Variants in GPI observed in about 807,000 individuals in gnomAD.
The protein encoded by GPI is glucose-6-phosphate isomerase.
Under a neutral mutation model 75.8 loss-of-function variants are expected in GPI, and 56 were observed. The observed-to-expected ratio is 0.74, with a 90% CI of 0.60 to 0.92. The LOEUF is 0.92. Among genes scored for constraint, GPI ranks in the 40% least tolerant of loss-of-function variants. The pLI is 0.00. For synonymous variants in GPI, 288 were observed against 285.4 expected (o/e 1.01, Z -0.09); for missense variants, 638 against 741.0 (o/e 0.86, Z 1.61).
intron 6 of GPI, 36 bp downstream of exon 6, chr19:34,377,917 G>A: frequency 6.2e-7 from 1 of 1,611,658 alleles, no homozygotes; most frequent in Non-Finnish European, 8.5e-7. Context: ...CCCTGGCCCT[G>A]TGTGTGTTGG....
chr19:34,360,455 C>T (rs1261872389), upstream of GPI, among the ~76,000 whole-genome samples: 1 of 152,152 alleles, frequency 6.6e-6, no homozygotes, highest in Middle Eastern at 3.4e-3. Flanking sequence ...GAAAATTAGC[C>T]GGGACGGGGT....
chr19:34,391,634 T>A (rs796990220), intron 9 of GPI, among the ~76,000 whole-genome samples: 3 of 448 alleles, frequency 6.7e-3, no homozygotes, highest in African/African-American at 0.018. Context: ...GTCTGTCAAT[T>A]TCTGAAGAGG....
Position 34,400,307 on chromosome 19 carries a change from A to G in GPI, c.*271A>G, listed in dbSNP as rs901531674. The G allele has an allele frequency of 6.7e-6, 4 of 597,196 alleles. No homozygotes were observed. The highest frequency in any genetic ancestry group is 1.2e-5 in the Non-Finnish European group (4 of 335,700). The allele number at this position is 597,196 out of a possible 1,614,324, so 37.0% of individuals were successfully genotyped here. On this transcript the variant is annotated 3_prime_UTR_variant, in exon 18 of 18. Transcript: ENST00000356487. ...TCACGTTGTTCACATCCCATGTAGA[A>G]AAATAAAGATGCCACGGAGGAGGTT...
At chr19:34,364,384 CTTT>C (rs555720207), upstream of GPI, among the ~76,000 whole-genome samples, 4 of 139,380 alleles carry the variant, frequency 2.9e-5, no homozygotes, top group African/African-American at 2.6e-5. Context: ...CTGACCTCAT[CTTT>C]TTTTTTTTTT....
In GPI at chr19:34,400,349, AT is replaced by A. The variant is rs1006348170; in HGVS notation, c.*323del. The A allele has an allele frequency of 1.1e-3, 593 of 534,802 alleles. No individual in the cohort carries two copies. The highest frequency in any genetic ancestry group is 2.7e-3 in the South Asian group (116 of 43,092). The allele number at this position is 534,802 out of a possible 1,614,324, so 33.1% of individuals were successfully genotyped here. A position where few individuals can be genotyped will look rare whatever the true frequency, so the allele number is the denominator to read the frequency against. On this transcript the variant is annotated 3_prime_UTR_variant, in exon 18 of 18. Coordinates refer to ENST00000356487, the MANE Select transcript of GPI (RefSeq NM_000175.5). ...GAGGAGGTTGTAGGCTCAGCCTCTGATTTTTTTTTTCCTGTGATGGTGCTTT... is the reference window on the plus strand; with the variant it reads ...GAGGAGGTTGTAGGCTCAGCCTCTGATTTTTTTTTCCTGTGATGGTGCTTT...
In GPI at chr19:34,393,335, C is replaced by T; in HGVS notation, c.865+27C>T. On this transcript the variant is annotated intron_variant, in intron 10 of 17. Transcript: ENST00000356487. The surrounding 1 kb of genome is among the most constrained non-coding windows in gnomAD (Gnocchi z 4.4). ...TGAGTGTGTTTCTGTGTCTTGCAGC[C>T]CCTGTGGGAGACAGTGTTGCAGTCT... is the stretch of plus-strand genomic sequence containing the variant. The T allele has an allele frequency of 6.3e-7, 1 of 1,578,804 alleles. No individual in the cohort carries two copies. Among genetic ancestry groups the T allele is most frequent in the South Asian group, 1.1e-5 (1 of 90,340 alleles).
At chr19:34,367,491 G>A (rs1370471702) in intron 3 of GPI, among the ~76,000 whole-genome samples, 13 of 152,228 alleles carry the variant, frequency 8.5e-5, no homozygotes, top group Admixed American at 7.9e-4. Context: ...AATCAAGGAA[G>A]GCTTTCTGGA....
At position 34,373,557 on chromosome 19, in the gene GPI, CAAAA is replaced by C. The variant is rs538891535; in HGVS notation, c.403-3930_403-3927del. Among the ~76,000 whole-genome samples, 292 of 63,208 alleles carry C rather than the reference CAAAA, an allele frequency of 4.6e-3. 2 individuals are homozygous for C. The highest frequency in any genetic ancestry group is 0.017 in the African/African-American group (283 of 16,304). 41.5% of individuals were successfully genotyped at this position (63,208 alleles called of 152,430 possible). The stretch of plus-strand genomic sequence containing the variant: ...GGGTGACAGAGCAAGATTCCATCTC[CAAAA>C]AAAAAAAAAAAAAAATTAAAAGAAA... On this transcript the variant is annotated intron_variant, in intron 4 of 17. Transcript: ENST00000356487.
At chr19:34,387,762 G>A (rs1160640584) in intron 9 of GPI, among the ~76,000 whole-genome samples, 1 of 152,204 alleles carries the variant, frequency 6.6e-6, no homozygotes, top group African/African-American at 2.4e-5. Context: ...TATAAACATG[G>A]TCTCAGGTGG....
intron 9 of GPI, among the ~76,000 whole-genome samples, chr19:34,391,939 G>GA (rs1299169302): frequency 0.018 from 9 of 502 alleles, no homozygotes; most frequent in Non-Finnish European, 0.025. Flanking sequence ...TGTCATGTCT[G>GA]GAGGTAAGAT....
Position 34,377,828 on chromosome 19 carries a change from A to G in GPI, c.580A>G (p.Lys194Glu). The G allele has an allele frequency of 6.2e-7, 1 of 1,614,140 alleles. No individual in the cohort carries two copies. Among genetic ancestry groups the G allele is most frequent in the Non-Finnish European group, 8.5e-7 (1 of 1,180,016 alleles). Residue 194 changes from lysine (K) to glutamate (E), a missense_variant, in exon 6 of 18, where the codon AAA becomes GAA. Lys to Glu is a moderately conservative substitution (Grantham distance 56). Transcript: ENST00000356487. The part of the protein sequence containing the change: ...VSNIDGTHIA[K>E]TLAQLNPESS... ...CAACATTGATGGAACTCACATTGCC[A>G]AAACCCTGGCCCAGCTGAACCCCGA...
intron 3 of GPI, among the ~76,000 whole-genome samples, chr19:34,367,340 G>A (rs2074382832): frequency 6.6e-6 from 1 of 152,154 alleles, no homozygotes; most frequent in African/African-American, 2.4e-5. Flanking sequence ...TCCTCATGAT[G>A]TCATTATCCT....
chr19:34,369,678 G>T (rs1349010423), intron 4 of GPI, among the ~76,000 whole-genome samples: 1 of 150,334 alleles, frequency 6.7e-6, no homozygotes, highest in East Asian at 2.0e-4. Flanking sequence ...CTGCACTCCA[G>T]CCTGGGCGAC....
intron 9 of GPI, 24 bp downstream of exon 9, chr19:34,381,543 G>T: frequency 6.5e-7 from 1 of 1,546,914 alleles, no homozygotes; most frequent in South Asian, 1.1e-5. Flanking sequence ...CTTCTGCACT[G>T]GGTGAATTAA....
At chr19:34,389,893 G>A (rs908171693) in intron 9 of GPI, among the ~76,000 whole-genome samples, 1 of 152,184 alleles carries the variant, frequency 6.6e-6, no homozygotes, top group Non-Finnish European at 1.5e-5. Flanking sequence ...TAGAAATGTG[G>A]GAGGTGCTCC....
In GPI at chr19:34,393,519, C is replaced by T. The variant is rs1599852879; in HGVS notation, c.866-209C>T. ...CCCCCGTCTTTGCCCCTCACAACTGCAGTCCTGTTTCTCTCCTATCCTAGG... is the reference window on the plus strand; with the variant it reads ...CCCCCGTCTTTGCCCCTCACAACTGTAGTCCTGTTTCTCTCCTATCCTAGG... On this transcript the variant is annotated intron_variant, in intron 10 of 17. Coordinates refer to ENST00000356487, the MANE Select transcript of GPI (RefSeq NM_000175.5). This position sits in a 1 kb window ranked among gnomAD's most constrained non-coding sequence, Gnocchi z 4.4. 58 of 706,088 alleles carry T rather than the reference C, an allele frequency of 8.2e-5. 1 individual carries two copies. In the South Asian group the frequency reaches 8.8e-4, roughly 11 times the overall value. The allele number at this position is 706,088 out of a possible 1,614,324, so 43.7% of individuals were successfully genotyped here. A position where few individuals can be genotyped will look rare whatever the true frequency, so the allele number is the denominator to read the frequency against.
chr19:34,378,689 C>T (rs912433852), intron 6 of GPI, among the ~76,000 whole-genome samples: 5 of 152,242 alleles, frequency 3.3e-5, no homozygotes, highest in East Asian at 1.9e-4. Context: ...ACTGCAGCCC[C>T]TCAGGGGAGA....
chr19:34,374,153 T>TA (rs142335006), intron 4 of GPI, among the ~76,000 whole-genome samples: 4 of 144,142 alleles, frequency 2.8e-5, no homozygotes, highest in African/African-American at 7.9e-5. Flanking sequence ...TTTTTTTTTT[T>TA]AAATTTTTTT....
At position 34,399,720 on chromosome 19, in the gene GPI, C is replaced by T. The variant is rs1270308955; in HGVS notation, c.1476C>T (p.Ala492=). The T allele has an allele frequency of 6.2e-7, 1 of 1,614,092 alleles. No individual in the cohort carries two copies. Among genetic ancestry groups the T allele is most frequent in the East Asian group, 2.2e-5 (1 of 44,872 alleles). Residue 492 remains alanine, a splice_region_variant and synonymous_variant, in exon 17 of 18, where the codon GCC becomes GCT. Transcript: ENST00000356487. ...LTPFMLGALV[A]MYEHKIFVQG... is the part of the protein sequence containing the mutation. ...GTGCCCTGTCTGTCACTTCTGCAGC[C>T]ATGTATGAGCACAAGATCTTCGTTC...
Sources: gnomAD v4.1 joint callset for allele counts (sites outside exome capture counted in the v4.1 genomes callset) on GRCh38, gnomAD v4.1.1 for gene constraint, Gnocchi (gnomAD v3.1) non-coding constraint, MANE v1.5 for transcripts, NCBI Gene and HGNC (gene_info 2026-07-23, HGNC 2026-07-21) for gene names.